Variants in KIF16B observed in about 807,000 individuals in gnomAD.
KIF16B encodes kinesin family member 16B, also known as kinesin-like protein KIF16B.
Under a neutral mutation model 156.3 loss-of-function variants are expected in KIF16B, and 98 were observed. The ratio of observed to expected loss-of-function variants is 0.63; its 90% CI spans 0.53 to 0.74. KIF16B has a LOEUF of 0.74. Ranked by LOEUF, KIF16B falls within the 30% of genes least tolerant of loss-of-function variation. The pLI is 0.00. For missense variants in KIF16B, 1,421 were observed against 1,606.5 expected (o/e 0.88, Z 1.97); for synonymous variants, 564 against 583.7 (o/e 0.97, Z 0.49).
At chr20:16,371,784 T>C (rs746988228) in intron 20 of KIF16B, 23 bp from the exon 21 acceptor site, 2 of 1,508,454 alleles carry the variant, frequency 1.3e-6, no homozygotes, top group Non-Finnish European at 1.8e-6. Flanking sequence ...GGAGATGGAG[T>C]AGATCTGACA....
At chr20:16,424,057 C>G (rs1261238185) in intron 15 of KIF16B, among the ~76,000 whole-genome samples, 1 of 152,100 alleles carries the variant, frequency 6.6e-6, no homozygotes, top group Non-Finnish European at 1.5e-5. Context: ...ACCTGCCCCT[C>G]CATTCTACAT....
chr20:16,379,715 C>A lies in KIF16B; in HGVS notation c.2287G>T (p.Ala763Ser). The A allele has an allele frequency of 1.2e-6, 2 of 1,614,178 alleles. No homozygotes were observed. Among genetic ancestry groups the A allele is most frequent in the Non-Finnish European group, 8.5e-7 (1 of 1,180,042 alleles). ...EQEKEQVMLV[A>S]HLEEQLREKQ... ...TCTCGGAGCTGCTCTTCCAGATGGGCCACGAGCATGACCTGCTCCTTCTCC... is the reference window on the plus strand; with the variant it reads ...TCTCGGAGCTGCTCTTCCAGATGGGACACGAGCATGACCTGCTCCTTCTCC... The change falls in exon 19 of 26, where the codon GCC becomes TCC. Residue 763 changes from alanine (A) to serine (S), a missense_variant. Coordinates refer to ENST00000354981, the MANE Select transcript of KIF16B (RefSeq NM_024704.5).
intron 12 of KIF16B, among the ~76,000 whole-genome samples, chr20:16,477,933 A>G (rs953637317): frequency 6.6e-6 from 1 of 152,108 alleles, no homozygotes; most frequent in Admixed American, 6.5e-5. Context: ...GCAGAACCCA[A>G]AAGACTCACC....
At chr20:16,533,979 G>C (rs528648619) in intron 1 of KIF16B, among the ~76,000 whole-genome samples, 144 of 152,256 alleles carry the variant, frequency 9.5e-4, no homozygotes, top group Admixed American at 2.0e-3. Flanking sequence ...ATAAAGATGT[G>C]GCTGGGCACA....
chr20:16,551,785 G>A (rs34948900), intron 1 of KIF16B, among the ~76,000 whole-genome samples: 12,222 of 152,152 alleles, frequency 0.08, 532 homozygotes, highest in Middle Eastern at 0.099. Flanking sequence ...CACAGGCCTG[G>A]CCTCATTTCT....
At chr20:16,463,927 A>T (rs889003193) in intron 12 of KIF16B, among the ~76,000 whole-genome samples, 3 of 152,208 alleles carry the variant, frequency 2.0e-5, no homozygotes, top group African/African-American at 7.2e-5. Context: ...AACCACTGCT[A>T]AAGCAATTCT....
At chr20:16,559,517 C>T (rs1300449893) in intron 1 of KIF16B, among the ~76,000 whole-genome samples, 1 of 152,100 alleles carries the variant, frequency 6.6e-6, no homozygotes, top group African/African-American at 2.4e-5. Context: ...CCTGTAATCC[C>T]CACATGCTGG....
intron 15 of KIF16B, among the ~76,000 whole-genome samples, chr20:16,418,206 C>T (rs1205211511): frequency 6.6e-6 from 1 of 152,090 alleles, no homozygotes; most frequent in Non-Finnish European, 1.5e-5. Flanking sequence ...AACAGAATGA[C>T]AAATATATGT....
At position 16,537,098 on chromosome 20, in the gene KIF16B, C is replaced by T. The variant is rs546523627; in HGVS notation, c.48-8658G>A. 4.6e-4 allele frequency among the ~76,000 whole-genome samples: 69 copies of T among 149,870 alleles called. 1 individual carries two copies. The highest frequency in any genetic ancestry group is 1.6e-3 in the African/African-American group (67 of 40,616). The stretch of plus-strand genomic sequence containing the variant: ...TCATCCTCTCTCACACACACTCCAT[C>T]GTCTGCTGCCAGAGAGAGCCTTCCA... On this transcript the variant is annotated intron_variant, in intron 1 of 25. Coordinates refer to ENST00000354981, the MANE Select transcript of KIF16B (RefSeq NM_024704.5).
In KIF16B at chr20:16,336,201, C is replaced by A. The variant is rs187604069; in HGVS notation, c.3622-186G>T. ...AATAAATGTACTTTACTTAAACATG[C>A]AGCTTTGGCTCTCAGATCTTGTTAC... On this transcript the variant is annotated intron_variant, in intron 23 of 25. Coordinates refer to ENST00000354981, the MANE Select transcript of KIF16B (RefSeq NM_024704.5). 2.6e-5 allele frequency among the ~76,000 whole-genome samples: 4 copies of A among 152,280 alleles called. No individual in the cohort carries two copies. The East Asian group carries it at 7.7e-4, about 29-fold the overall frequency.
At chr20:16,293,082 T>G (rs1458172870) in intron 25 of KIF16B, among the ~76,000 whole-genome samples, 1 of 152,014 alleles carries the variant, frequency 6.6e-6, no homozygotes, top group Non-Finnish European at 1.5e-5. Context: ...GGTTCAACAC[T>G]GAACAAATGG....
intron 7 of KIF16B, among the ~76,000 whole-genome samples, chr20:16,506,463 A>C (rs1186892773): frequency 6.6e-6 from 1 of 152,218 alleles, no homozygotes; most frequent in Non-Finnish European, 1.5e-5. Context: ...AGAACAGAAA[A>C]CTAGGCACTG....
intron 25 of KIF16B, among the ~76,000 whole-genome samples, chr20:16,306,693 GGCTCT>G (rs1320709071): frequency 6.6e-6 from 1 of 151,936 alleles, no homozygotes; most frequent in African/African-American, 2.4e-5. Context: ...GCCTTCCCCT[GGCTCT>G]TAAAACAGCT....
At chr20:16,420,978 C>G (rs577917342) in intron 15 of KIF16B, among the ~76,000 whole-genome samples, 1 of 152,038 alleles carries the variant, frequency 6.6e-6, no homozygotes, top group Non-Finnish European at 1.5e-5. Context: ...AGAAATAATG[C>G]ATGAATTCGA....
At chr20:16,549,397 C>T (rs1474574686) in intron 1 of KIF16B, among the ~76,000 whole-genome samples, 4 of 151,460 alleles carry the variant, frequency 2.6e-5, no homozygotes, top group African/African-American at 7.3e-5. Context: ...TGCATAGTAT[C>T]CCATGGTGTA....
chr20:16,430,188 G>A (rs952497814), intron 12 of KIF16B, among the ~76,000 whole-genome samples: 6 of 152,084 alleles, frequency 3.9e-5, no homozygotes, highest in Admixed American at 2.0e-4. Flanking sequence ...AATATAAAAC[G>A]AATTAAACTC....
rs116491306 is a variant in KIF16B, at chr20:16,305,900, T to C, written c.3795+6435A>G. ...GTGTATATATACCATATTTTCTTTA[T>C]CCATTCACCCATTAATGGATGCTTA... On this transcript the variant is annotated intron_variant, in intron 25 of 25. Coordinates refer to ENST00000354981, the MANE Select transcript of KIF16B (RefSeq NM_024704.5). Among the ~76,000 whole-genome samples, 707 of 152,336 alleles carry C rather than the reference T, an allele frequency of 4.6e-3. 4 individuals carry two copies. The highest frequency in any genetic ancestry group is 0.016 in the African/African-American group (667 of 41,582).
At chr20:16,524,031 GATTA>G (rs537928835) in intron 3 of KIF16B, among the ~76,000 whole-genome samples, 349 of 152,212 alleles carry the variant, frequency 2.3e-3, no homozygotes, top group African/African-American at 6.0e-3. Flanking sequence ...ATTCAAGATG[GATTA>G]AAGACTTAAA....
At chr20:16,448,689 T>C (rs192447928) in intron 12 of KIF16B, among the ~76,000 whole-genome samples, 17 of 152,228 alleles carry the variant, frequency 1.1e-4, no homozygotes, top group Non-Finnish European at 5.9e-5. Context: ...ACAATTTAAG[T>C]AAGCAACAAT....
Sources: gnomAD v4.1 joint callset for allele counts (sites outside exome capture counted in the v4.1 genomes callset) on GRCh38, gnomAD v4.1.1 for gene constraint, MANE v1.5 for transcripts, NCBI Gene and HGNC (gene_info 2026-07-23, HGNC 2026-07-21) for gene names.